The following CTNNA3 variants were observed in gnomAD, a reference collection of about 807,000 sequenced individuals.
The protein encoded by CTNNA3 is catenin alpha 3.
In CTNNA3, 76 loss-of-function variants were observed where a neutral mutation model predicts 95.7. That is an observed-to-expected ratio of 0.79 (90% CI 0.66 to 0.96). CTNNA3 has a LOEUF of 0.96. CTNNA3 is among the 40% of genes least tolerant of loss of function. The probability of loss-of-function intolerance (pLI) is 0.00; values close to 1 mark genes in which losing one functional copy is unlikely to be tolerated. For missense variants in CTNNA3, 1,191 were observed against 1,089.8 expected (o/e 1.09, Z -1.31); for synonymous variants, 431 against 374.4 (o/e 1.15, Z -1.74).
At chr10:66,745,979 A>G (rs1259026914) in intron 9 of CTNNA3, among the ~76,000 whole-genome samples, 1 of 152,162 alleles carries the variant, frequency 6.6e-6, no homozygotes, top group Non-Finnish European at 1.5e-5. Context: ...AAGGCATTAG[A>G]TAATAAGTCA....
At chr10:65,957,566 C>T (rs1228592632) in intron 17 of CTNNA3, among the ~76,000 whole-genome samples, 4 of 152,120 alleles carry the variant, frequency 2.6e-5, no homozygotes, top group African/African-American at 9.7e-5. Flanking sequence ...CCTTCAGGAG[C>T]TCTTGTAAGG....
chr10:67,516,018 A>G lies in CTNNA3; in HGVS notation c.579+5824T>C, dbSNP rs186137443. Among the ~76,000 whole-genome samples, 527 of 152,244 alleles carry G rather than the reference A, an allele frequency of 3.5e-3. 8 individuals carry two copies. The highest frequency in any genetic ancestry group is 0.012 in the African/African-American group (507 of 41,544). ...GCTCTTGTCACCCAGGCTGGAGTGC[A>G]ATGGCATGATCTCATCTATCTGCAA... On this transcript the variant is annotated intron_variant, in intron 5 of 17. Coordinates refer to ENST00000433211, the MANE Select transcript of CTNNA3 (RefSeq NM_013266.4).
At chr10:65,970,793 T>A (rs931658254) in intron 16 of CTNNA3, among the ~76,000 whole-genome samples, 1 of 150,314 alleles carries the variant, frequency 6.7e-6, no homozygotes, top group Non-Finnish European at 1.5e-5. Context: ...TATTACATGA[T>A]GATAAAGGGT....
At position 66,927,244 on chromosome 10, in the gene CTNNA3, A is replaced by G. The variant is rs777943604; in HGVS notation, c.1048-151720T>C. The stretch of plus-strand genomic sequence containing the variant: ...CGAAAATGCTTTTAATGGAATACGC[A>G]GACTCAAAGAGCTGATTCTTAGTTC... On this transcript the variant is annotated intron_variant, in intron 7 of 17. Transcript: ENST00000433211. This position sits in a 1 kb window ranked among gnomAD's most constrained non-coding sequence, Gnocchi z 4.7. The G allele has an allele frequency of 3.7e-6, 6 of 1,614,138 alleles. No individual in the cohort carries two copies. The Admixed American group carries it at 8.3e-5, about 22-fold the overall frequency.
chr10:65,941,845 C>A (rs2077434625), intron 17 of CTNNA3, among the ~76,000 whole-genome samples: 1 of 150,688 alleles, frequency 6.6e-6, no homozygotes, highest in Admixed American at 6.6e-5. Context: ...CAATTTGCAA[C>A]AATGGGGAGA....
chr10:66,994,226 G>A (rs965671444), intron 7 of CTNNA3, among the ~76,000 whole-genome samples: 2 of 152,062 alleles, frequency 1.3e-5, no homozygotes, highest in African/African-American at 4.8e-5. Flanking sequence ...TGGTTAAAAG[G>A]AAAAGATGAA....
At chr10:66,753,680 T>C (rs35617498) in intron 9 of CTNNA3, among the ~76,000 whole-genome samples, 8 of 150,272 alleles carry the variant, frequency 5.3e-5, no homozygotes, top group African/African-American at 2.0e-4. Flanking sequence ...AAAGAAAATA[T>C]ATATATATAT....
At chr10:66,444,606 T>G (rs1260662095) in intron 11 of CTNNA3, among the ~76,000 whole-genome samples, 1 of 151,912 alleles carries the variant, frequency 6.6e-6, no homozygotes, top group African/African-American at 2.4e-5. Flanking sequence ...ATAAAATACT[T>G]TACAGACAAG....
intron 5 of CTNNA3, among the ~76,000 whole-genome samples, chr10:67,404,583 TG>T (rs1039603862): frequency 6.6e-6 from 1 of 152,102 alleles, no homozygotes; most frequent in Non-Finnish European, 1.5e-5. Flanking sequence ...TATGACTGAT[TG>T]GGGTACCTGA....
chr10:67,288,946 G>C (rs147596132), intron 5 of CTNNA3, among the ~76,000 whole-genome samples: 112 of 152,202 alleles, frequency 7.4e-4, no homozygotes, highest in African/African-American at 2.6e-3. Flanking sequence ...CCTGGCAAGA[G>C]AGCGAGATCC....
intron 7 of CTNNA3, among the ~76,000 whole-genome samples, chr10:66,933,446 C>CTAGTA (rs1847520401): frequency 6.6e-6 from 1 of 152,218 alleles, no homozygotes; most frequent in African/African-American, 2.4e-5. Context: ...TACCTGTCCA[C>CTAGTA]TCCCTTTCTA....
chr10:67,420,115 C>T (rs1845697054), intron 5 of CTNNA3, among the ~76,000 whole-genome samples: 1 of 152,120 alleles, frequency 6.6e-6, no homozygotes, highest in Non-Finnish European at 1.5e-5. Flanking sequence ...TCCCAAAGTG[C>T]TAAACAGGAC....
At chr10:65,924,449 C>T (rs1451125898) in intron 17 of CTNNA3, among the ~76,000 whole-genome samples, 1 of 152,188 alleles carries the variant, frequency 6.6e-6, no homozygotes, top group East Asian at 1.9e-4. Context: ...AACAACTAGG[C>T]TGCGTGAAAC....
At chr10:66,081,803 C>T (rs2080773217) in intron 14 of CTNNA3, among the ~76,000 whole-genome samples, 1 of 152,076 alleles carries the variant, frequency 6.6e-6, no homozygotes, top group South Asian at 2.1e-4. Context: ...TGAGAAGGAA[C>T]AAAATTGAAT....
At position 67,286,513 on chromosome 10, in the gene CTNNA3, T is replaced by C. The variant is rs140201342; in HGVS notation, c.580-66643A>G. ...TGAAGATTACATTATATAGCTCATGTAAAGCACTTAGCTAAATAGCTGGCA... is the reference window on the plus strand; with the variant it reads ...TGAAGATTACATTATATAGCTCATGCAAAGCACTTAGCTAAATAGCTGGCA... On this transcript the variant is annotated intron_variant, in intron 5 of 17. Transcript: ENST00000433211. Among the ~76,000 whole-genome samples, 595 of 152,362 alleles carry C rather than the reference T, an allele frequency of 3.9e-3. 5 individuals carry two copies. Among genetic ancestry groups the C allele is most frequent in the African/African-American group, 0.014 (571 of 41,584 alleles).
chr10:67,302,349 TA>T (rs1233988813), intron 5 of CTNNA3, among the ~76,000 whole-genome samples: 2 of 152,158 alleles, frequency 1.3e-5, no homozygotes, highest in Non-Finnish European at 2.9e-5. Flanking sequence ...TCAAGAGATC[TA>T]TTGTACAATA....
intron 5 of CTNNA3, among the ~76,000 whole-genome samples, chr10:67,365,112 C>G (rs1445320023): frequency 6.6e-6 from 1 of 152,084 alleles, no homozygotes; most frequent in Non-Finnish European, 1.5e-5. Context: ...CTGACAAAAA[C>G]AAGAAATGGG....
chr10:66,856,290 T>C (rs1589339149), intron 7 of CTNNA3, among the ~76,000 whole-genome samples: 1 of 152,128 alleles, frequency 6.6e-6, no homozygotes, highest in Admixed American at 6.6e-5. Flanking sequence ...ATGTTGTATA[T>C]GTACCACATT....
At chr10:67,449,413 T>C (rs6480260) in intron 5 of CTNNA3, among the ~76,000 whole-genome samples, 46,173 of 151,940 alleles carry the variant, frequency 0.3, 11,585 homozygotes, top group African/African-American at 0.69. Context: ...GGAGGCATCA[T>C]ATTACCCAAT....
Sources: allele counts gnomAD v4.1 joint callset (sites outside exome capture counted in the v4.1 genomes callset), GRCh38; gene constraint gnomAD v4.1.1; non-coding constraint Gnocchi (gnomAD v3.1); transcripts MANE v1.5; gene names NCBI Gene and HGNC (gene_info 2026-07-23, HGNC 2026-07-21).